Variants in XPNPEP2 observed in about 807,000 individuals in gnomAD.
XPNPEP2 encodes the protein xaa-Pro aminopeptidase 2.
XPNPEP2 carries 64 observed loss-of-function variants against 59.8 expected under a neutral mutation model. That is an observed-to-expected ratio of 1.07 (90% CI 0.87 to 1.32). The LOEUF (loss-of-function observed/expected upper bound fraction) is 1.32, where lower values mean the gene tolerates loss of function less well. Ranked by LOEUF, XPNPEP2 falls within the 40% of genes most tolerant of loss-of-function variation. The probability of loss-of-function intolerance (pLI) is 0.00; values close to 1 mark genes in which losing one functional copy is unlikely to be tolerated. For missense variants in XPNPEP2, 575 were observed against 546.8 expected, an observed-to-expected ratio of 1.05 and a Z score of -0.51; for synonymous variants, 235 against 210.0, an observed-to-expected ratio of 1.12 and a Z score of -1.03.
At position 129,743,945 on chromosome X, in the gene XPNPEP2, T is replaced by C. The variant is rs1340777136; in HGVS notation, c.124-16T>C. 20 of 1,193,289 alleles carry C rather than the reference T, an allele frequency of 1.7e-5. No individual in the cohort carries two copies. The highest frequency in any genetic ancestry group is 2.3e-5 in the Non-Finnish European group (20 of 880,170). On this transcript the variant is annotated splice_polypyrimidine_tract_variant and intron_variant, in intron 2 of 20. Transcript: ENST00000371106. ...TCTGTTTGTTTGTGTCTCAATGTCT[T>C]CTTGTCATCTGTCAGTACCTTCCAG...
Position 129,757,023 on chromosome X carries a change from T to TATAC in XPNPEP2, c.1367+469_1367+470insTACA, listed in dbSNP as rs1491537516. Reference sequence around the variant, plus strand: ...ATATATATATATATATATATATATATACACACACACACACATATATATATA... The same window carrying TATAC: ...ATATATATATATATATATATATATATATACACACACACACACACATATATATATA... On this transcript the variant is annotated intron_variant, in intron 14 of 20. Coordinates refer to ENST00000371106, the MANE Select transcript of XPNPEP2 (RefSeq NM_003399.6). Among the ~76,000 whole-genome samples the TATAC allele has an allele frequency of 2.4e-3, 190 of 77,711 alleles. 1 individual carries two copies. Among genetic ancestry groups the TATAC allele is most frequent in the African/African-American group, 0.012 (183 of 14,991 alleles). The allele number at this position is 77,711 out of a possible 115,157, so 67.5% of individuals were successfully genotyped here. A position where few individuals can be genotyped will look rare whatever the true frequency, so the allele number is the denominator to read the frequency against.
In XPNPEP2 at chrX:129,768,407, C is replaced by T. The variant is rs1247187936; in HGVS notation, c.1947C>T (p.Ala649=). The change falls in exon 21 of 21, where the codon GCC becomes GCT. Residue 649 remains alanine (A), a synonymous_variant. Coordinates refer to ENST00000371106, the MANE Select transcript of XPNPEP2 (RefSeq NM_003399.6). ...EWLQQHTEPL[A]ARAPDTASWA... is the part of the protein sequence containing the mutation. ...TTCAACAGCACACAGAGCCCCTGGC[C>T]GCCAGGGCCCCAGACACCGCCTCCT... The T allele has an allele frequency of 7.5e-6, 9 of 1,206,623 alleles. No homozygotes were observed. In the Admixed American group the frequency reaches 1.1e-4, roughly 15 times the overall value.
At chrX:129,767,551 C>G in intron 19 of XPNPEP2, 52 bp from the exon 20 acceptor site, 1 of 1,132,754 alleles carries the variant, frequency 8.8e-7, no homozygotes, top group Non-Finnish European at 1.2e-6. Context: ...CAGCCCAGTT[C>G]CTCCTCCTCC....
rs758238806 is a variant in XPNPEP2 at position 129,747,678 on chromosome X, G to A, written c.562G>A (p.Val188Met). The A allele has an allele frequency of 1.7e-6, 2 of 1,212,042 alleles. No individual in the cohort carries two copies. Among genetic ancestry groups the A allele is most frequent in the Non-Finnish European group, 2.2e-6 (2 of 895,615 alleles). The change falls in exon 7 of 21, where the codon GTG (valine) becomes ATG (methionine). Residue 188 changes from valine (V) to methionine (M), a missense_variant. Transcript: ENST00000371106. ...GCTGGTGTCCATCACAACCAATCTTGTGGACCTGGTATGGGGATCAGAGAG... is the reference window on the plus strand; with the variant it reads ...GCTGGTGTCCATCACAACCAATCTTATGGACCTGGTATGGGGATCAGAGAG... ...RQLVSITTNLVDLVWGSERPP... is the reference protein window; with the variant it reads ...RQLVSITTNLMDLVWGSERPP...
chrX:129,763,162 C>G (rs905486612), intron 19 of XPNPEP2, among the ~76,000 whole-genome samples: 34 of 111,937 alleles, frequency 3.0e-4, no homozygotes, highest in African/African-American at 1.1e-3. Context: ...TGGAGAAACT[C>G]TCTACTAAGG....
chrX:129,745,853 CAA>C (rs1165583254), intron 4 of XPNPEP2, among the ~76,000 whole-genome samples: 1 of 111,427 alleles, frequency 9.0e-6, no homozygotes, highest in African/African-American at 3.3e-5. Flanking sequence ...TTCCCTTTGC[CAA>C]AGTCTCTGGA....
Position 129,762,706 on chromosome X carries a change from A to G in XPNPEP2, c.1676A>G (p.Tyr559Cys), listed in dbSNP as rs1483993364. 8.3e-7 allele frequency: 1 copy of G among 1,211,490 alleles called. No homozygotes were observed. Among genetic ancestry groups the G allele is most frequent in the South Asian group, 1.8e-5 (1 of 57,015 alleles). Residue 559 changes from tyrosine to cysteine, a missense_variant, in exon 19 of 21, where the codon TAT becomes TGT. Tyr to Cys is a radical substitution (Grantham distance 194, BLOSUM62 -2). Transcript: ENST00000371106. ...GMFTSIEPGY[Y>C]KDGEFGIRLE... The stretch of plus-strand genomic sequence containing the variant: ...CTGTGTCTCCCAGAACCTGGTTACT[A>G]TAAGGATGGAGAATTTGGGATCCGT...
At chrX:129,739,381 T>G in intron 1 of XPNPEP2, 119 bp downstream of exon 1, 1 of 776,774 alleles carries the variant, frequency 1.3e-6, no homozygotes, top group Non-Finnish European at 1.9e-6. Context: ...TCTCTCTGAC[T>G]TGAGGAAGAG....
chrX:129,767,022 T>C (rs975680828), intron 19 of XPNPEP2, among the ~76,000 whole-genome samples: 3 of 110,855 alleles, frequency 2.7e-5, no homozygotes, highest in African/African-American at 9.9e-5. Flanking sequence ...GAGACCAGCC[T>C]AGCCAACATG....
intron 19 of XPNPEP2, among the ~76,000 whole-genome samples, chrX:129,765,876 G>A (rs1445329433): frequency 9.0e-6 from 1 of 111,356 alleles, no homozygotes; most frequent in African/African-American, 3.3e-5. Context: ...GACCTCAGGT[G>A]ATGCACCTGC....
Position 129,746,611 on chromosome X carries a change from T to C in XPNPEP2, c.420T>C (p.Ile140=). Residue 140 remains isoleucine (I), a synonymous_variant, in exon 6 of 21, where the codon ATT becomes ATC. Coordinates refer to ENST00000371106, the MANE Select transcript of XPNPEP2 (RefSeq NM_003399.6). ...TTCTTTCAGTTGGCACCACTCCTAT[T>C]GTCACCTGGCTCCTCACCGAGATTC... ...ELHKEVGTTP[I]VTWLLTEIPA... 1 of 1,210,446 alleles carries C rather than the reference T, an allele frequency of 8.3e-7. No individual in the cohort carries two copies. The highest frequency in any genetic ancestry group is 1.1e-6 in the Non-Finnish European group (1 of 895,048).
At chrX:129,767,819 C>T (rs1926780496) in intron 20 of XPNPEP2, 127 bp downstream of exon 20, 5 of 674,139 alleles carry the variant, frequency 7.4e-6, no homozygotes, top group Non-Finnish European at 1.2e-5. Context: ...TGCAGACACA[C>T]ACTGGGGCAT....
intron 3 of XPNPEP2, among the ~76,000 whole-genome samples, chrX:129,744,440 T>G (rs760753678): frequency 4.6e-4 from 52 of 111,976 alleles, no homozygotes; most frequent in African/African-American, 1.6e-3. Flanking sequence ...GGCCCAGGCC[T>G]TCCCATACTC....
At chrX:129,744,139 GTTAAA>G in intron 3 of XPNPEP2, 68 bp downstream of exon 3, 1 of 975,632 alleles carries the variant, frequency 1.0e-6, no homozygotes, top group South Asian at 2.0e-5. Context: ...AACAGGAGCT[GTTAAA>G]ACTCAGAAGA....
chrX:129,741,893 C>G (rs1031958347), intron 1 of XPNPEP2, among the ~76,000 whole-genome samples: 3 of 112,491 alleles, frequency 2.7e-5, no homozygotes, highest in Non-Finnish European at 3.8e-5. Flanking sequence ...AATCACTTGT[C>G]TATGAAACAG....
chrX:129,744,327 A>G (rs1170717179), intron 3 of XPNPEP2, among the ~76,000 whole-genome samples: 3 of 112,248 alleles, frequency 2.7e-5, no homozygotes, highest in Non-Finnish European at 5.6e-5. Context: ...ATTTTCATCA[A>G]TTCCCAGAAG....
At position 129,746,575 on chromosome X, in the gene XPNPEP2, G is replaced by A. The variant is rs1926301195; in HGVS notation, c.404-20G>A. The A allele has an allele frequency of 8.3e-7, 1 of 1,202,216 alleles. No individual in the cohort carries two copies. The highest frequency in any genetic ancestry group is 1.8e-5 in the African/African-American group (1 of 56,700). ...TGGCCCTGAAGGTGACCTCTGCATT[G>A]CTTCCTATCTTTCTTTCAGTTGGCA... On this transcript the variant is annotated intron_variant, in intron 5 of 20. Coordinates refer to ENST00000371106, the MANE Select transcript of XPNPEP2 (RefSeq NM_003399.6).
At position 129,751,921 on chromosome X, in the gene XPNPEP2, G is replaced by A; in HGVS notation, c.821+95G>A. 23 of 959,332 alleles carry A rather than the reference G, an allele frequency of 2.4e-5. No individual in the cohort carries two copies. The South Asian group carries it at 4.6e-4, about 19-fold the overall frequency. The allele number at this position is 959,332 out of a possible 1,213,427, so 79.1% of individuals were successfully genotyped here. A position where few individuals can be genotyped will look rare whatever the true frequency, so the allele number is the denominator to read the frequency against. ...ATCCCGCCTTAATATACAGCCCTCT[G>A]GCTGCCCATCAGCTCGGCGCCTGCT... is the stretch of plus-strand genomic sequence containing the variant. On this transcript the variant is annotated intron_variant, in intron 9 of 20. Coordinates refer to ENST00000371106, the MANE Select transcript of XPNPEP2 (RefSeq NM_003399.6).
intron 5 of XPNPEP2, 113 bp downstream of exon 5, chrX:129,746,453 G>A: frequency 1.1e-6 from 1 of 930,451 alleles, no homozygotes; most frequent in Non-Finnish European, 1.5e-6. Flanking sequence ...GGGGAGCTTA[G>A]GAAATTTGAG....
Sources: gnomAD v4.1 joint callset for allele counts (sites outside exome capture counted in the v4.1 genomes callset) on GRCh38, gnomAD v4.1.1 for gene constraint, MANE v1.5 for transcripts, NCBI Gene and HGNC (gene_info 2026-07-23, HGNC 2026-07-21) for gene names.